The following ZDHHC13 variants were observed in gnomAD, a reference collection of about 807,000 sequenced individuals.
ZDHHC13 encodes zDHHC palmitoyltransferase 13, also known as palmitoyltransferase ZDHHC13.
ZDHHC13 carries 85 observed loss-of-function variants against 86.0 expected under a neutral mutation model. The ratio of observed to expected loss-of-function variants is 0.99; its 90% CI spans 0.83 to 1.18. The LOEUF is 1.18. ZDHHC13 is among the 50% of genes most tolerant of loss of function. The probability of loss-of-function intolerance (pLI) is 0.00; values close to 1 mark genes in which losing one functional copy is unlikely to be tolerated. For synonymous variants in ZDHHC13, 263 were observed against 246.4 expected (o/e 1.07, Z -0.63); for missense variants, 711 against 730.2 (o/e 0.97, Z 0.30).
At chr11:19,140,973 A>G (rs1356904482) in intron 1 of ZDHHC13, among the ~76,000 whole-genome samples, 2 of 150,536 alleles carry the variant, frequency 1.3e-5, no homozygotes, top group Non-Finnish European at 3.0e-5. Context: ...GTAGATGATG[A>G]GTTAGTGGGT....
In ZDHHC13 at chr11:19,136,412, A is replaced by G. The variant is rs1275544211; in HGVS notation, c.28-6566A>G. On this transcript the variant is annotated intron_variant, in intron 1 of 16. Transcript: ENST00000446113. ...GAAACGAGCAAAGCCTCCAAGAAATATGGGACTATGTGAAAAGACCAAATC... is the reference window on the plus strand; with the variant it reads ...GAAACGAGCAAAGCCTCCAAGAAATGTGGGACTATGTGAAAAGACCAAATC... Among the ~76,000 whole-genome samples the G allele has an allele frequency of 3.9e-5, 6 of 152,164 alleles. No homozygotes were observed. In the South Asian group the frequency reaches 8.3e-4, roughly 21 times the overall value.
At chr11:19,140,458 A>G (rs1001540092) in intron 1 of ZDHHC13, among the ~76,000 whole-genome samples, 6 of 152,226 alleles carry the variant, frequency 3.9e-5, no homozygotes, top group African/African-American at 1.4e-4. Flanking sequence ...ACACTTTTCA[A>G]CTTTTGGTGG....
intron 2 of ZDHHC13, among the ~76,000 whole-genome samples, chr11:19,145,557 C>G (rs1378972878): frequency 6.6e-6 from 1 of 152,198 alleles, no homozygotes; most frequent in East Asian, 1.9e-4. Flanking sequence ...TCACCATTCC[C>G]TCTCATGCTT....
rs994635107 is a variant in ZDHHC13 at position 19,164,884 on chromosome 11, A to T, written c.1297-168A>T. ...TAGTGATGTCCTAATCAAAGTAGAC[A>T]TATGGAAGTAAATACTAATAAGGCA... On this transcript the variant is annotated intron_variant, in intron 12 of 16. Coordinates refer to ENST00000446113, the MANE Select transcript of ZDHHC13 (RefSeq NM_019028.3). 3 of 604,566 alleles carry T rather than the reference A, an allele frequency of 5.0e-6. No homozygotes were observed. The African/African-American group carries it at 5.6e-5, about 11-fold the overall frequency. 37.5% of individuals were successfully genotyped at this position (604,566 alleles called of 1,614,324 possible). A position where few individuals can be genotyped will look rare whatever the true frequency, so the allele number is the denominator to read the frequency against.
intron 1 of ZDHHC13, among the ~76,000 whole-genome samples, chr11:19,125,340 G>A (rs896867403): frequency 6.6e-5 from 10 of 152,154 alleles, no homozygotes; most frequent in African/African-American, 2.4e-4. Flanking sequence ...CTTCACCAGA[G>A]AAGATATACA....
At chr11:19,144,466 T>TGTGTGTGTGTGTGTGTGTGTGTGTGTG in intron 2 of ZDHHC13, among the ~76,000 whole-genome samples, 1 of 149,772 alleles carries the variant, frequency 6.7e-6, no homozygotes, top group African/African-American at 2.4e-5. Flanking sequence ...TGTGTGTGTG[T>TGTGTGTGTGTGTGTGTGTGTGTGTGTG]TTTCTAAACC....
chr11:19,152,515 A>T, intron 7 of ZDHHC13, 44 bp from the exon 8 acceptor site: 2 of 1,520,994 alleles, frequency 1.3e-6, no homozygotes. Context: ...CACTCATAAT[A>T]TATTAAAAAT....
intron 1 of ZDHHC13, among the ~76,000 whole-genome samples, chr11:19,127,632 G>A (rs979460899): frequency 2.6e-5 from 4 of 152,094 alleles, no homozygotes; most frequent in African/African-American, 9.7e-5. Context: ...TTTATATGGT[G>A]TAAGGAAAGG....
chr11:19,121,877 C>G (rs1280757739), intron 1 of ZDHHC13, among the ~76,000 whole-genome samples: 1 of 152,150 alleles, frequency 6.6e-6, no homozygotes, highest in Non-Finnish European at 1.5e-5. Flanking sequence ...TGATTCACCA[C>G]TATCATACAG....
chr11:19,135,859 G>T (rs1849123936), intron 1 of ZDHHC13, among the ~76,000 whole-genome samples: 1 of 151,954 alleles, frequency 6.6e-6, no homozygotes, highest in African/African-American at 2.4e-5. Flanking sequence ...TGCAGCTGAG[G>T]GTCCTGTCTG....
chr11:19,144,986 G>A (rs943410931), intron 2 of ZDHHC13, among the ~76,000 whole-genome samples: 9 of 152,124 alleles, frequency 5.9e-5, no homozygotes, highest in East Asian at 3.9e-4. Flanking sequence ...GCACACGCCT[G>A]TAATCCCAGC....
chr11:19,129,833 C>G (rs981605103), intron 1 of ZDHHC13, among the ~76,000 whole-genome samples: 5 of 152,144 alleles, frequency 3.3e-5, no homozygotes, highest in Non-Finnish European at 7.3e-5. Context: ...TCGCTCACAC[C>G]TGTAATCCCA....
intron 16 of ZDHHC13, among the ~76,000 whole-genome samples, chr11:19,175,051 T>A (rs191580088): frequency 2.3e-4 from 35 of 152,174 alleles, no homozygotes; most frequent in Non-Finnish European, 4.6e-4. Context: ...GCAAGATGAA[T>A]TAAAAGGAAT....
chr11:19,150,612 C>T, intron 5 of ZDHHC13, 115 bp from the exon 6 acceptor site: 1 of 824,044 alleles, frequency 1.2e-6, no homozygotes, highest in Non-Finnish European at 1.9e-6. Context: ...ATATTTGAGC[C>T]CTTTATGTAG....
chr11:19,150,764 T>C lies in ZDHHC13; in HGVS notation c.557T>C (p.Leu186Pro). The change falls in exon 6 of 17, where the codon CTC (leucine) becomes CCC (proline). Residue 186 changes from leucine to proline, a missense_variant. Leu to Pro is a moderately conservative substitution (Grantham distance 98, BLOSUM62 -3). Coordinates refer to ENST00000446113, the MANE Select transcript of ZDHHC13 (RefSeq NM_019028.3). ...ACAGATGTAAATGGGCAGACACCTC[T>C]CATGTTATCAGCTCACAAAGTAATT... The part of the protein sequence containing the change: ...NMTDVNGQTP[L>P]MLSAHKVIGP... 3 of 1,611,138 alleles carry C rather than the reference T, an allele frequency of 1.9e-6. No individual in the cohort carries two copies. The highest frequency in any genetic ancestry group is 2.5e-6 in the Non-Finnish European group (3 of 1,177,858).
intron 1 of ZDHHC13, among the ~76,000 whole-genome samples, chr11:19,135,376 A>C (rs1849108659): frequency 6.6e-6 from 1 of 152,174 alleles, no homozygotes; most frequent in Non-Finnish European, 1.5e-5. Context: ...GGCTTAAAAA[A>C]CGGCGCACCA....
chr11:19,170,692 C>A (rs1850198831), intron 15 of ZDHHC13, 124 bp downstream of exon 15: 2 of 940,410 alleles, frequency 2.1e-6, no homozygotes, highest in Non-Finnish European at 3.1e-6. Flanking sequence ...CTCTGTGGGT[C>A]TAGCCATGTC....
At chr11:19,133,647 G>C (rs79466562) in intron 1 of ZDHHC13, among the ~76,000 whole-genome samples, 2 of 151,878 alleles carry the variant, frequency 1.3e-5, no homozygotes, top group Non-Finnish European at 2.9e-5. Flanking sequence ...TAGAGAATAC[G>C]TATGATAGAT....
rs138643002 is a variant in ZDHHC13 at position 19,162,764 on chromosome 11, G to C, written c.1109-539G>C. 1.4e-4 allele frequency among the ~76,000 whole-genome samples: 21 copies of C among 152,270 alleles called. No homozygotes were observed. The East Asian group carries it at 3.3e-3, about 24-fold the overall frequency. ...GAAACTGAACGTATTTTTGAGAACT[G>C]AACGTATATATTTTGAGTCGTGTGT... On this transcript the variant is annotated intron_variant, in intron 10 of 16. Transcript: ENST00000446113.
Sources: gnomAD v4.1 joint callset for allele counts (sites outside exome capture counted in the v4.1 genomes callset) on GRCh38, gnomAD v4.1.1 for gene constraint, MANE v1.5 for transcripts, NCBI Gene and HGNC (gene_info 2026-07-23, HGNC 2026-07-21) for gene names.